Variants in FOXN2 observed in about 807,000 individuals in gnomAD.
FOXN2 encodes forkhead box N2.
A neutral mutation model predicts 41.2 loss-of-function variants in FOXN2; 19 were observed. The observed-to-expected ratio is 0.46, with a 90% CI of 0.32 to 0.68. The LOEUF (loss-of-function observed/expected upper bound fraction) is 0.68, where lower values mean the gene tolerates loss of function less well. Ranked by LOEUF, FOXN2 falls within the 30% of genes least tolerant of loss-of-function variation. The pLI is 0.03. For synonymous variants in FOXN2, 195 were observed against 176.8 expected (o/e 1.10, Z -0.82); for missense variants, 587 against 509.4 (o/e 1.15, Z -1.47).
At chr2:48,371,928 T>C (rs566023937) in intron 5 of FOXN2, among the ~76,000 whole-genome samples, 2 of 152,194 alleles carry the variant, frequency 1.3e-5, no homozygotes, top group African/African-American at 2.4e-5. Flanking sequence ...AAGAGTTTTT[T>C]GGTAGAATCT....
intron 2 of FOXN2, among the ~76,000 whole-genome samples, chr2:48,331,598 A>C (rs1041613111): frequency 1.3e-5 from 2 of 152,114 alleles, no homozygotes; most frequent in Non-Finnish European, 2.9e-5. Flanking sequence ...CAAGAGGATC[A>C]CTTGAGCCCA....
chr2:48,321,566 T>A (rs1045277157), intron 1 of FOXN2, among the ~76,000 whole-genome samples: 3 of 151,954 alleles, frequency 2.0e-5, no homozygotes, highest in Non-Finnish European at 4.4e-5. Context: ...TTTTATGTGG[T>A]AAGGGTAAAA....
chr2:48,378,196 G>A lies in FOXN2; in HGVS notation c.*2753G>A, dbSNP rs948018226. On this transcript the variant is annotated 3_prime_UTR_variant, in exon 7 of 7. Coordinates refer to ENST00000340553, the MANE Select transcript of FOXN2 (RefSeq NM_002158.4). Reference sequence around the variant, plus strand: ...GAATATATATTTTTGAAGTTTTTTTGTGCAATATATTACTAAATCAGTTAT... The same window carrying A: ...GAATATATATTTTTGAAGTTTTTTTATGCAATATATTACTAAATCAGTTAT... The A allele has an allele frequency of 6.6e-5, 10 of 151,846 alleles. No individual in the cohort carries two copies. Among genetic ancestry groups the A allele is most frequent in the African/African-American group, 2.2e-4 (9 of 41,274 alleles). The allele number at this position is 151,846 out of a possible 1,614,324, so 9.4% of individuals were successfully genotyped here. A position where few individuals can be genotyped will look rare whatever the true frequency, so the allele number is the denominator to read the frequency against.
At chr2:48,374,191 C>G (rs1056782009) in intron 6 of FOXN2, among the ~76,000 whole-genome samples, 1 of 151,980 alleles carries the variant, frequency 6.6e-6, no homozygotes. Context: ...AAAAAGGATT[C>G]TGCAAGTAAG....
chr2:48,314,622 G>A (rs1228908299), upstream of FOXN2: 1 of 152,366 alleles, frequency 6.6e-6, no homozygotes, highest in Non-Finnish European at 1.5e-5. Flanking sequence ...ATGGCAGCGG[G>A]GAAGGGGAGG....
chr2:48,319,541 A>AT (rs1314226040), intron 1 of FOXN2, among the ~76,000 whole-genome samples: 1 of 151,884 alleles, frequency 6.6e-6, no homozygotes, highest in Non-Finnish European at 1.5e-5. Flanking sequence ...TTTAATTGAA[A>AT]TTCTTTCTAA....
At chr2:48,334,334 T>A (rs1421433083) in intron 2 of FOXN2, among the ~76,000 whole-genome samples, 1 of 152,136 alleles carries the variant, frequency 6.6e-6, no homozygotes, top group Non-Finnish European at 1.5e-5. Flanking sequence ...TACTTCCAAT[T>A]GAGATTCATT....
chr2:48,325,888 G>GC (rs539623503), intron 1 of FOXN2, among the ~76,000 whole-genome samples: 172 of 130,338 alleles, frequency 1.3e-3, no homozygotes, highest in African/African-American at 4.6e-3. Flanking sequence ...TTCCTCAGTC[G>GC]CCCAGGCTGG....
At chr2:48,357,186 C>G (rs1671848967) in intron 3 of FOXN2, among the ~76,000 whole-genome samples, 1 of 152,112 alleles carries the variant, frequency 6.6e-6, no homozygotes, top group Non-Finnish European at 1.5e-5. Context: ...TTACTTGAGA[C>G]CATACTCAAG....
chr2:48,375,011 G>A lies in FOXN2; in HGVS notation c.864G>A (p.Glu288=). 1 of 1,614,020 alleles carries A rather than the reference G, an allele frequency of 6.2e-7. No individual in the cohort carries two copies. Among genetic ancestry groups the A allele is most frequent in the Non-Finnish European group, 8.5e-7 (1 of 1,179,952 alleles). ...FHHPSAVRLQ[E]SDSLATSIDP... The stretch of plus-strand genomic sequence containing the variant: ...ATCCCAGTGCTGTACGATTACAAGA[G>A]AGTGATTCTTTAGCCACCAGCATTG... The change falls in exon 7 of 7, where the codon GAG becomes GAA. Residue 288 remains glutamate (E), a synonymous_variant. Transcript: ENST00000340553.
chr2:48,321,395 G>A (rs999636744), intron 1 of FOXN2, among the ~76,000 whole-genome samples: 6 of 152,116 alleles, frequency 3.9e-5, no homozygotes, highest in Admixed American at 3.3e-4. Flanking sequence ...AATTAGGCGG[G>A]CGTGGTGGCG....
At chr2:48,316,976 G>T (rs949713488) in intron 1 of FOXN2, among the ~76,000 whole-genome samples, 1 of 152,110 alleles carries the variant, frequency 6.6e-6, no homozygotes, top group Non-Finnish European at 1.5e-5. Flanking sequence ...GTGGTATCTA[G>T]GCCTTAGGGC....
intron 5 of FOXN2, among the ~76,000 whole-genome samples, chr2:48,366,437 G>A (rs1041318985): frequency 5.9e-5 from 9 of 151,730 alleles, no homozygotes; most frequent in Non-Finnish European, 1.3e-4. Context: ...TGGAACAAAA[G>A]TTCTCCCTGG....
rs1672064620 is a variant in FOXN2, at chr2:48,359,929, G to C, written c.638+782G>C. 2.0e-5 allele frequency among the ~76,000 whole-genome samples: 3 copies of C among 151,998 alleles called. No individual in the cohort carries two copies. The South Asian group carries it at 6.2e-4, about 32-fold the overall frequency. On this transcript the variant is annotated intron_variant, in intron 4 of 6. Transcript: ENST00000340553. ...TTATAACATTTTATATACATATGTA[G>C]GTTTCTTTTTCTGTTTTAGGTTTTT... is the stretch of plus-strand genomic sequence containing the variant.
intron 3 of FOXN2, among the ~76,000 whole-genome samples, chr2:48,353,357 A>G (rs1355416562): frequency 1.3e-5 from 2 of 152,164 alleles, no homozygotes; most frequent in East Asian, 1.9e-4. Flanking sequence ...TGGAGAGAAC[A>G]TTTCCTCAAA....
intron 5 of FOXN2, 121 bp from the exon 6 acceptor site, chr2:48,373,171 T>G: frequency 3.0e-6 from 2 of 666,112 alleles, no homozygotes; most frequent in Non-Finnish European, 5.2e-6. Flanking sequence ...TGATGTGCGT[T>G]TATGCTTTCT....
chr2:48,362,832 C>T (rs1672282050), intron 5 of FOXN2, 125 bp downstream of exon 5: 11 of 755,286 alleles, frequency 1.5e-5, no homozygotes, highest in Non-Finnish European at 1.3e-5. Flanking sequence ...TGCCTGGTGC[C>T]CTGGTAGCTT....
upstream of FOXN2, among the ~76,000 whole-genome samples, chr2:48,314,383 C>G (rs1198904902): frequency 6.6e-6 from 1 of 152,240 alleles, no homozygotes; most frequent in African/African-American, 2.4e-5. Context: ...AAACCCGCAC[C>G]GGCCTACAGC....
At chr2:48,348,331 A>G (rs879621368) in intron 3 of FOXN2, among the ~76,000 whole-genome samples, 56 of 151,978 alleles carry the variant, frequency 3.7e-4, no homozygotes, top group Admixed American at 6.6e-4. Flanking sequence ...ATAAGCCCCA[A>G]TGAAGGACTT....
Sources: gnomAD v4.1 joint callset for allele counts (sites outside exome capture counted in the v4.1 genomes callset) on GRCh38, gnomAD v4.1.1 for gene constraint, MANE v1.5 for transcripts, NCBI Gene and HGNC (gene_info 2026-07-23, HGNC 2026-07-21) for gene names.